The following LGSN variants were observed in gnomAD, a reference collection of about 807,000 sequenced individuals.
The protein encoded by LGSN is lengsin.
LGSN carries 21 observed loss-of-function variants against 19.5 expected under a neutral mutation model. The ratio of observed to expected loss-of-function variants is 1.07; its 90% CI spans 0.76 to 1.55. LGSN has a LOEUF of 1.55. Ranked by LOEUF, LGSN falls within the 40% of genes most tolerant of loss-of-function variation. LGSN has a pLI of 0.00. For missense variants in LGSN, 673 were observed against 608.5 expected (o/e 1.11, Z -1.12); for synonymous variants, 257 against 215.6 (o/e 1.19, Z -1.68).
chr6:63,552,667 G>A, the LGSN span, among the ~76,000 whole-genome samples: 1 of 152,176 alleles, frequency 6.6e-6, no homozygotes, highest in Non-Finnish European at 1.5e-5. Flanking sequence ...TATGGTTTTA[G>A]TTCTAACATT....
chr6:63,362,968 T>C, the LGSN span, among the ~76,000 whole-genome samples: 2 of 152,082 alleles, frequency 1.3e-5, no homozygotes, highest in African/African-American at 4.8e-5. Context: ...TGACACCTCA[T>C]AAAGCCAGGT....
the LGSN span, among the ~76,000 whole-genome samples, chr6:63,563,116 G>A: frequency 6.6e-6 from 1 of 152,184 alleles, no homozygotes; most frequent in East Asian, 1.9e-4. Context: ...GACAAGGCAG[G>A]AAATCTCAAG....
the LGSN span, among the ~76,000 whole-genome samples, chr6:63,332,439 C>T: frequency 1.9e-3 from 289 of 152,186 alleles, 1 homozygote; most frequent in African/African-American, 6.4e-3. Flanking sequence ...CGCTCATGGC[C>T]GCAGGGTCAA....
At chr6:63,501,092 C>T in the LGSN span, among the ~76,000 whole-genome samples, 1 of 151,862 alleles carries the variant, frequency 6.6e-6, no homozygotes, top group African/African-American at 2.4e-5. Flanking sequence ...GAGAGGAAGA[C>T]TGGGCCTGGT....
the LGSN span, among the ~76,000 whole-genome samples, chr6:63,374,299 A>C: frequency 6.6e-6 from 1 of 152,194 alleles, no homozygotes; most frequent in African/African-American, 2.4e-5. Flanking sequence ...TTTCAAAACA[A>C]AATGGTTTCA....
the LGSN span, among the ~76,000 whole-genome samples, chr6:63,331,320 A>T: frequency 1.3e-5 from 2 of 152,152 alleles, no homozygotes; most frequent in Non-Finnish European, 2.9e-5. Flanking sequence ...TACAGAAAAG[A>T]TCAAGCTGCA....
chr6:63,572,659 C>T, the LGSN span: 1 of 411,734 alleles, frequency 2.4e-6, no homozygotes, highest in Admixed American at 4.4e-5. Flanking sequence ...GCCTGTGTCG[C>T]CGCCGCCTCG....
chr6:63,431,870 C>G, the LGSN span, among the ~76,000 whole-genome samples: 1 of 150,502 alleles, frequency 6.6e-6, no homozygotes, highest in African/African-American at 2.5e-5. Flanking sequence ...ATTTCAAGAC[C>G]AGCCAGCCCA....
chr6:63,433,264 T>C, the LGSN span, among the ~76,000 whole-genome samples: 1 of 152,190 alleles, frequency 6.6e-6, no homozygotes, highest in African/African-American at 2.4e-5. Context: ...ATAATACAAA[T>C]AGAGTAATCA....
chr6:63,420,883 T>A, the LGSN span, among the ~76,000 whole-genome samples: 4 of 151,954 alleles, frequency 2.6e-5, no homozygotes, highest in South Asian at 2.1e-4. Flanking sequence ...TTGAAAAAAA[T>A]TTTTTTAATC....
chr6:63,470,241 G>T, the LGSN span, among the ~76,000 whole-genome samples: 3 of 151,918 alleles, frequency 2.0e-5, 1 homozygote, highest in South Asian at 2.1e-4. Flanking sequence ...GCCAAGGTGG[G>T]CAGATCACCT....
At chr6:63,416,822 C>A in the LGSN span, among the ~76,000 whole-genome samples, 1 of 151,946 alleles carries the variant, frequency 6.6e-6, no homozygotes, top group Non-Finnish European at 1.5e-5. Flanking sequence ...CCCACCTCGG[C>A]CTCCCAAAGT....
In LGSN at chr6:63,280,969, A is replaced by G. The variant is rs577894468; in HGVS notation, c.582T>C (p.His194=). The G allele has an allele frequency of 2.2e-5, 35 of 1,614,178 alleles. No homozygotes were observed. The South Asian group carries it at 3.7e-4, about 17-fold the overall frequency. Residue 194 remains histidine (H), a synonymous_variant, in exon 4 of 4, where the codon CAT becomes CAC. Coordinates refer to ENST00000370657, the MANE Select transcript of LGSN (RefSeq NM_016571.3). The part of the protein sequence containing the change: ...PRYIAKRQLS[H]LQASGFSLLS... ...GCAGGGAAAAGCCAGAGGCCTGCAGATGGCTCAGCTGCCTCTTTGCAATGT... is the reference window on the plus strand; with the variant it reads ...GCAGGGAAAAGCCAGAGGCCTGCAGGTGGCTCAGCTGCCTCTTTGCAATGT...
chr6:63,542,864 C>A, the LGSN span, among the ~76,000 whole-genome samples: 1 of 152,178 alleles, frequency 6.6e-6, no homozygotes, highest in African/African-American at 2.4e-5. Context: ...TCATCCAAGC[C>A]ATGATCATGT....
chr6:63,359,084 A>G, the LGSN span, among the ~76,000 whole-genome samples: 1 of 152,268 alleles, frequency 6.6e-6, no homozygotes, highest in South Asian at 2.1e-4. Context: ...GCATCTATTG[A>G]GATAATCATG....
chr6:63,491,758 C>T, the LGSN span, among the ~76,000 whole-genome samples: 1 of 152,146 alleles, frequency 6.6e-6, no homozygotes, highest in African/African-American at 2.4e-5. Context: ...TGGCCGGGCG[C>T]GGTGGCTCAC....
chr6:63,294,885 T>C, intron 2 of LGSN, 28 bp downstream of exon 2: 1 of 1,612,090 alleles, frequency 6.2e-7, no homozygotes, highest in Non-Finnish European at 8.5e-7. Context: ...GACCACACCA[T>C]TTTTGAGGAC....
the LGSN span, among the ~76,000 whole-genome samples, chr6:63,513,897 C>T: frequency 9.1e-6 from 1 of 109,854 alleles, no homozygotes; most frequent in African/African-American, 3.7e-5. Flanking sequence ...GGCAACAGAG[C>T]GAGACTTCAT....
At chr6:63,331,473 G>C in the LGSN span, among the ~76,000 whole-genome samples, 13 of 152,158 alleles carry the variant, frequency 8.5e-5, no homozygotes, top group African/African-American at 1.7e-4. Flanking sequence ...AATGGCTTAG[G>C]ATACATTTCA....
Sources: gnomAD v4.1 joint callset for allele counts (sites outside exome capture counted in the v4.1 genomes callset) on GRCh38, gnomAD v4.1.1 for gene constraint, MANE v1.5 for transcripts, NCBI Gene and HGNC (gene_info 2026-07-23, HGNC 2026-07-21) for gene names.